ELAVL4: variants seen among roughly 807,000 people sequenced by gnomAD.
The protein encoded by ELAVL4 is ELAV like RNA binding protein 4.
ELAVL4 carries 1 observed loss-of-function variant against 35.6 expected under a neutral mutation model. The observed-to-expected ratio is 0.03, with a 90% CI of 0.01 to 0.13. ELAVL4 has a LOEUF of 0.13. Among genes scored for constraint, ELAVL4 ranks in the 10% least tolerant of loss-of-function variants. ELAVL4 has a pLI of 1.00. For missense variants in ELAVL4, 267 were observed against 464.9 expected, an observed-to-expected ratio of 0.57 and a Z score of 3.91; for synonymous variants, 156 against 171.0, an observed-to-expected ratio of 0.91 and a Z score of 0.69.
intron 2 of ELAVL4, among the ~76,000 whole-genome samples, chr1:50,156,216 G>A (rs1176263966): frequency 6.6e-6 from 1 of 152,176 alleles, no homozygotes; most frequent in Non-Finnish European, 1.5e-5. Flanking sequence ...CCCCATACTT[G>A]ATAGATGTAT....
rs567305490 is a variant in ELAVL4, at chr1:50,192,179, G to A, written c.355-1586G>A. Among the ~76,000 whole-genome samples the A allele has an allele frequency of 8.5e-5, 13 of 152,268 alleles. No homozygotes were observed. The South Asian group carries it at 1.5e-3, about 17-fold the overall frequency. On this transcript the variant is annotated intron_variant, in intron 3 of 6. Transcript: ENST00000371824. Reference sequence around the variant, plus strand: ...CCCACAGAGGCCTCCCAGCCCACCCGTGAGTTTCTAGAAGATGGAGATACT... The same window carrying A: ...CCCACAGAGGCCTCCCAGCCCACCCATGAGTTTCTAGAAGATGGAGATACT...
chr1:50,108,296 C>G (rs1666524640), upstream of ELAVL4, among the ~76,000 whole-genome samples: 1 of 151,992 alleles, frequency 6.6e-6, no homozygotes, highest in African/African-American at 2.4e-5. Flanking sequence ...GAACCTAGTT[C>G]ACGGAGCAAG....
upstream of ELAVL4, among the ~76,000 whole-genome samples, chr1:50,108,685 A>G (rs961293512): frequency 9.2e-5 from 14 of 152,178 alleles, no homozygotes; most frequent in Non-Finnish European, 1.9e-4. Flanking sequence ...AGGTAAAAAT[A>G]CAAGTATGGC....
At chr1:50,177,443 A>G (rs1301077134) in intron 3 of ELAVL4, among the ~76,000 whole-genome samples, 1 of 152,246 alleles carries the variant, frequency 6.6e-6, no homozygotes, top group East Asian at 1.9e-4. Flanking sequence ...TTGGGATTCA[A>G]GACCCCACAA....
At chr1:50,134,733 G>A (rs1008221110) in intron 1 of ELAVL4, among the ~76,000 whole-genome samples, 5 of 152,142 alleles carry the variant, frequency 3.3e-5, no homozygotes, top group African/African-American at 9.7e-5. Context: ...TGTGGGGGAT[G>A]AAGGAAACGT....
At chr1:50,083,546 T>C (rs1665103006) in intron 1 of ELAVL4, among the ~76,000 whole-genome samples, 1 of 152,214 alleles carries the variant, frequency 6.6e-6, no homozygotes, top group Non-Finnish European at 1.5e-5. Flanking sequence ...GATGAGCATG[T>C]ATCTAACTAC....
chr1:50,113,463 C>A (rs1010268730), intron 1 of ELAVL4, among the ~76,000 whole-genome samples: 5 of 152,040 alleles, frequency 3.3e-5, no homozygotes, highest in Admixed American at 1.3e-4. Flanking sequence ...AGTACTTTGG[C>A]CTTGACAAAT....
At chr1:50,054,077 AGGAGG>A (rs1357586974) in intron 1 of ELAVL4, among the ~76,000 whole-genome samples, 1 of 152,222 alleles carries the variant, frequency 6.6e-6, no homozygotes, top group Non-Finnish European at 1.5e-5. Context: ...GGAGTGAGCA[AGGAGG>A]AAAACTATTG....
chr1:50,130,994 A>G (rs902142120), intron 1 of ELAVL4, among the ~76,000 whole-genome samples: 3 of 152,186 alleles, frequency 2.0e-5, no homozygotes, highest in African/African-American at 7.2e-5. Context: ...TAAAAAAGGT[A>G]AATTTCTGGG....
At chr1:50,183,818 C>A (rs1469430520) in intron 3 of ELAVL4, among the ~76,000 whole-genome samples, 4 of 152,196 alleles carry the variant, frequency 2.6e-5, no homozygotes, top group African/African-American at 7.2e-5. Context: ...GCTCTTAATG[C>A]TTCCTGGAGA....
intron 1 of ELAVL4, among the ~76,000 whole-genome samples, chr1:50,113,533 T>C (rs1455282298): frequency 6.6e-6 from 1 of 152,078 alleles, no homozygotes; most frequent in Non-Finnish European, 1.5e-5. Context: ...GCCTAGACAT[T>C]TAATATGTAC....
At chr1:50,116,713 A>G (rs189072150) in intron 1 of ELAVL4, among the ~76,000 whole-genome samples, 1 of 152,204 alleles carries the variant, frequency 6.6e-6, no homozygotes, top group Admixed American at 6.5e-5. Context: ...TGCCATCTTT[A>G]CTAATGAAGC....
intron 2 of ELAVL4, among the ~76,000 whole-genome samples, chr1:50,159,394 G>A (rs1219042271): frequency 6.6e-6 from 1 of 152,100 alleles, no homozygotes; most frequent in Non-Finnish European, 1.5e-5. Context: ...GATCACTTGA[G>A]GTCAAGAGTT....
chr1:50,071,267 C>T (rs566038441), intron 1 of ELAVL4, among the ~76,000 whole-genome samples: 1 of 152,318 alleles, frequency 6.6e-6, no homozygotes, highest in East Asian at 1.9e-4. Context: ...GTGCTACCTT[C>T]ATTTGAATGT....
chr1:50,159,039 C>CA (rs57361277), intron 2 of ELAVL4, among the ~76,000 whole-genome samples: 11,434 of 74,640 alleles, frequency 0.15, 635 homozygotes, highest in Middle Eastern at 0.28. Flanking sequence ...GACTCCTTCT[C>CA]AAAAAAAAAA....
chr1:50,075,025 A>C lies in ELAVL4; in HGVS notation c.18+26843A>C, dbSNP rs111951793. On this transcript the variant is annotated intron_variant, in intron 1 of 6. Transcript: ENST00000448907. ...TGAAGGAAATGAATTAGATTCTAAG[A>C]GAATAGAACATAATTTGGATTTGGT... 3.9e-3 allele frequency among the ~76,000 whole-genome samples: 600 copies of C among 152,346 alleles called. 3 individuals are homozygous for C. The highest frequency in any genetic ancestry group is 6.5e-3 in the Non-Finnish European group (440 of 68,030).
chr1:50,162,897 T>A (rs1472674477), intron 2 of ELAVL4, among the ~76,000 whole-genome samples: 2 of 152,226 alleles, frequency 1.3e-5, no homozygotes, highest in Admixed American at 1.3e-4. Context: ...CCTGTTTTTT[T>A]AAACAATATT....
chr1:50,157,828 A>G (rs543108682), intron 2 of ELAVL4, among the ~76,000 whole-genome samples: 24 of 152,320 alleles, frequency 1.6e-4, no homozygotes, highest in Middle Eastern at 3.4e-3. Flanking sequence ...CATGTTGCCC[A>G]TTTGAATGGC....
chr1:50,184,552 A>G (rs1009345883), intron 3 of ELAVL4, among the ~76,000 whole-genome samples: 2 of 152,168 alleles, frequency 1.3e-5, no homozygotes, highest in African/African-American at 4.8e-5. Context: ...AAGATTGTCT[A>G]AAGGTGAATG....
Sources: allele counts gnomAD v4.1 joint callset (sites outside exome capture counted in the v4.1 genomes callset), GRCh38; gene constraint gnomAD v4.1.1; transcripts MANE v1.5; gene names NCBI Gene and HGNC (gene_info 2026-07-23, HGNC 2026-07-21).